DMD: variants seen among roughly 807,000 people sequenced by gnomAD.
DMD encodes the protein mutant dystrophin.
Under a neutral mutation model 330.1 loss-of-function variants are expected in DMD, and 63 were observed. That is an observed-to-expected ratio of 0.19 (90% CI 0.16 to 0.24). The LOEUF (loss-of-function observed/expected upper bound fraction) is 0.24. Ranked by LOEUF, DMD falls within the 10% of genes least tolerant of loss-of-function variation. DMD has a pLI of 1.00. For synonymous variants in DMD, 1,223 were observed against 959.8 expected (o/e 1.27, Z -5.07); for missense variants, 3,344 against 2,684.1 (o/e 1.25, Z -5.43).
intron 2 of DMD, among the ~76,000 whole-genome samples, chrX:32,874,936 C>G (rs1350216532): frequency 8.9e-6 from 1 of 111,769 alleles, no homozygotes; most frequent in Non-Finnish European, 1.9e-5. Flanking sequence ...TTGAACCCTC[C>G]AGACCAGCAC....
intron 12 of DMD, among the ~76,000 whole-genome samples, chrX:32,597,530 C>T (rs2055698606): frequency 9.0e-6 from 1 of 111,662 alleles, no homozygotes; most frequent in Non-Finnish European, 1.9e-5. Context: ...ACACTAACCT[C>T]AACAGAAAAT....
chrX:31,187,398 GA>G (rs2041871700), intron 67 of DMD, among the ~76,000 whole-genome samples: 1 of 111,391 alleles, frequency 9.0e-6, no homozygotes. Context: ...TTGTCATTTA[GA>G]AAACTATTCT....
intron 2 of DMD, among the ~76,000 whole-genome samples, chrX:32,914,114 T>C (rs972238409): frequency 9.0e-6 from 1 of 111,534 alleles, no homozygotes; most frequent in Non-Finnish European, 1.9e-5. Flanking sequence ...CAAACGAGAT[T>C]CTTTCCTCTC....
intron 9 of DMD, among the ~76,000 whole-genome samples, chrX:32,682,264 G>A (rs189703635): frequency 9.0e-6 from 1 of 111,308 alleles, no homozygotes; most frequent in Non-Finnish European, 1.9e-5. Flanking sequence ...TATTCCACAA[G>A]ACCCATCGAT....
chrX:32,101,315 C>A lies in DMD; in HGVS notation c.6438+115601G>T, dbSNP rs1004081029. Among the ~76,000 whole-genome samples, 4 of 111,163 alleles carry A rather than the reference C, an allele frequency of 3.6e-5. No individual in the cohort carries two copies. In the Admixed American group the frequency reaches 3.9e-4, roughly 11 times the overall value. On this transcript the variant is annotated intron_variant, in intron 44 of 78. Coordinates refer to ENST00000357033, the MANE Select transcript of DMD (RefSeq NM_004006.3). ...TTTTACTACTCTATGGCTCTATGAGCGTGAGTAAGTTACCCTAGCCTCTCT... is the reference window on the plus strand; with the variant it reads ...TTTTACTACTCTATGGCTCTATGAGAGTGAGTAAGTTACCCTAGCCTCTCT...
chrX:32,472,852 A>G (rs2040808890), intron 21 of DMD, among the ~76,000 whole-genome samples: 1 of 111,357 alleles, frequency 9.0e-6, no homozygotes, highest in African/African-American at 3.3e-5. Context: ...TAATAACCCC[A>G]TAAATATTAT....
chrX:31,404,341 C>T (rs758069731), intron 60 of DMD, among the ~76,000 whole-genome samples: 1 of 111,877 alleles, frequency 8.9e-6, no homozygotes, highest in Non-Finnish European at 1.9e-5. Context: ...GCAACTCTGA[C>T]ATGGCAAGCT....
intron 13 of DMD, among the ~76,000 whole-genome samples, chrX:32,581,532 T>A (rs1306556560): frequency 8.9e-6 from 1 of 112,227 alleles, no homozygotes; most frequent in Non-Finnish European, 1.9e-5. Context: ...TCTGTAATTT[T>A]AGATGCAATA....
chrX:31,734,906 T>A (rs56326966), intron 51 of DMD, among the ~76,000 whole-genome samples: 11,380 of 111,245 alleles, frequency 0.1, 477 homozygotes, highest in Non-Finnish European at 0.13. Context: ...AAAACAGTTT[T>A]AAACACCACT....
intron 17 of DMD, among the ~76,000 whole-genome samples, chrX:32,538,677 A>C (rs2048217223): frequency 9.0e-6 from 1 of 111,300 alleles, no homozygotes; most frequent in African/African-American, 3.3e-5. Context: ...TGATTTCCAA[A>C]GTGTGGGCCC....
chrX:32,273,274 C>T (rs1382425049), intron 43 of DMD, among the ~76,000 whole-genome samples: 5 of 91,652 alleles, frequency 5.5e-5, no homozygotes, highest in African/African-American at 2.1e-4. Flanking sequence ...TCTTAGGGCT[C>T]CTTAAATAAA....
chrX:32,488,813 A>G (rs2042721128), intron 20 of DMD, among the ~76,000 whole-genome samples: 2 of 111,355 alleles, frequency 1.8e-5, no homozygotes, highest in South Asian at 3.8e-4. Flanking sequence ...TGTCTCCTAT[A>G]TACCTGACTG....
chrX:32,046,060 T>C (rs1707467182), intron 44 of DMD, among the ~76,000 whole-genome samples: 1 of 112,596 alleles, frequency 8.9e-6, no homozygotes, highest in Non-Finnish European at 1.9e-5. Context: ...TACTCTAAGG[T>C]GGACATTAGA....
chrX:31,509,765 T>A (rs1440116698), intron 55 of DMD, among the ~76,000 whole-genome samples: 2 of 112,387 alleles, frequency 1.8e-5, no homozygotes, highest in African/African-American at 3.2e-5. Context: ...AACAAATAAA[T>A]GAATATAAAA....
Position 33,185,292 on chromosome X carries a change from G to T in DMD, c.31+25990C>A, listed in dbSNP as rs377044170. On this transcript the variant is annotated intron_variant, in intron 1 of 78. Transcript: ENST00000357033. ...ACATAAATATGTAAACATTCAAATT[G>T]AGGAGCAAGTTTTAGAGTAGGGCTC... Among the ~76,000 whole-genome samples, 59 of 111,221 alleles carry T rather than the reference G, an allele frequency of 5.3e-4. 1 individual carries two copies. Among genetic ancestry groups the T allele is most frequent in the South Asian group, 5.3e-3 (14 of 2,654 alleles).
intron 45 of DMD, among the ~76,000 whole-genome samples, chrX:31,957,180 T>TC (rs1304532390): frequency 9.0e-6 from 1 of 111,675 alleles, no homozygotes; most frequent in Non-Finnish European, 1.9e-5. Context: ...GCTGAGCCTC[T>TC]TTTTTGAGTT....
At chrX:32,684,940 G>A (rs755311663) in intron 9 of DMD, among the ~76,000 whole-genome samples, 1 of 111,260 alleles carries the variant, frequency 9.0e-6, no homozygotes, top group African/African-American at 3.3e-5. Context: ...TTTCTTAAAA[G>A]CATCATAACC....
intron 60 of DMD, among the ~76,000 whole-genome samples, chrX:31,435,320 T>G (rs2064432151): frequency 1.8e-5 from 2 of 111,709 alleles, no homozygotes; most frequent in Non-Finnish European, 3.8e-5. Flanking sequence ...CTACATTGAT[T>G]GTCTGAATAA....
intron 61 of DMD, among the ~76,000 whole-genome samples, chrX:31,344,956 T>C (rs1421617403): frequency 1.5e-4 from 17 of 111,982 alleles, no homozygotes; most frequent in African/African-American, 5.2e-4. Flanking sequence ...GGATTATGGA[T>C]ACTTTTTCTT....
Sources: gnomAD v4.1 joint callset for allele counts (sites outside exome capture counted in the v4.1 genomes callset) on GRCh38, gnomAD v4.1.1 for gene constraint, MANE v1.5 for transcripts, NCBI Gene and HGNC (gene_info 2026-07-23, HGNC 2026-07-21) for gene names.